AGBL4: variants seen among roughly 807,000 people sequenced by gnomAD.
AGBL4 encodes cytosolic carboxypeptidase 6.
AGBL4 carries 58 observed loss-of-function variants against 66.4 expected under a neutral mutation model. The observed-to-expected ratio is 0.87, with a 90% CI of 0.71 to 1.09. The LOEUF is 1.09. AGBL4 is among the 50% of genes least tolerant of loss of function. The probability of loss-of-function intolerance (pLI) is 0.00; values close to 1 mark genes in which losing one functional copy is unlikely to be tolerated. For missense variants in AGBL4, 579 were observed against 631.0 expected (o/e 0.92, Z 0.88); for synonymous variants, 234 against 222.9 (o/e 1.05, Z -0.44).
At chr1:49,403,378 T>A (rs772779808) in intron 3 of AGBL4, among the ~76,000 whole-genome samples, 3 of 152,194 alleles carry the variant, frequency 2.0e-5, no homozygotes, top group Admixed American at 6.5e-5. Flanking sequence ...GCAAAATGTG[T>A]TTCTTGTAGG....
At chr1:49,480,037 G>T (rs1331852030) in intron 3 of AGBL4, among the ~76,000 whole-genome samples, 3 of 152,000 alleles carry the variant, frequency 2.0e-5, no homozygotes, top group African/African-American at 7.2e-5. Context: ...TATCACTGAT[G>T]GGCATTTGGG....
At chr1:49,401,610 T>C (rs1645087631) in intron 3 of AGBL4, among the ~76,000 whole-genome samples, 1 of 152,224 alleles carries the variant, frequency 6.6e-6, no homozygotes, top group South Asian at 2.1e-4. Flanking sequence ...AATTTTTGCA[T>C]CAATCTTCAT....
At chr1:48,545,886 T>C (rs540765628) in intron 11 of AGBL4, among the ~76,000 whole-genome samples, 1 of 152,340 alleles carries the variant, frequency 6.6e-6, no homozygotes, top group South Asian at 2.1e-4. Context: ...TTACTGTTCA[T>C]TCTCATTCAT....
At chr1:48,543,786 C>T (rs1042907582) in intron 11 of AGBL4, among the ~76,000 whole-genome samples, 1 of 152,182 alleles carries the variant, frequency 6.6e-6, no homozygotes, top group Admixed American at 6.5e-5. Flanking sequence ...TACGGAGCAC[C>T]TACTATGTGC....
chr1:48,547,066 G>A (rs995447578), intron 11 of AGBL4, among the ~76,000 whole-genome samples: 1 of 152,096 alleles, frequency 6.6e-6, no homozygotes, highest in Non-Finnish European at 1.5e-5. Context: ...GGGTCCTCGG[G>A]TGAGAGACGG....
chr1:49,830,102 A>C (rs1358436184), intron 2 of AGBL4, among the ~76,000 whole-genome samples: 2 of 152,290 alleles, frequency 1.3e-5, no homozygotes, highest in Admixed American at 6.5e-5. Flanking sequence ...TTTACAGCAG[A>C]ATGATTTATA....
At chr1:48,725,273 G>C (rs911997805) in intron 6 of AGBL4, among the ~76,000 whole-genome samples, 1 of 152,120 alleles carries the variant, frequency 6.6e-6, no homozygotes, top group East Asian at 1.9e-4. Context: ...TGACATCTGT[G>C]TTAAAATACA....
intron 4 of AGBL4, among the ~76,000 whole-genome samples, chr1:49,049,823 C>T (rs986092263): frequency 6.6e-6 from 1 of 151,826 alleles, no homozygotes; most frequent in African/African-American, 2.4e-5. Flanking sequence ...CTATGATATC[C>T]ATGGAAAAAT....
intron 3 of AGBL4, among the ~76,000 whole-genome samples, chr1:49,384,816 C>A (rs994973347): frequency 6.6e-6 from 1 of 152,090 alleles, no homozygotes; most frequent in East Asian, 1.9e-4. Flanking sequence ...TAAAATGATA[C>A]AGCCTCTCTA....
intron 1 of AGBL4, among the ~76,000 whole-genome samples, chr1:49,984,612 C>T (rs1475237383): frequency 6.6e-6 from 1 of 152,162 alleles, no homozygotes; most frequent in African/African-American, 2.4e-5. Context: ...TGGTCTTTGC[C>T]AGAGGCACAC....
At chr1:48,693,945 T>A (rs1570273178) in intron 6 of AGBL4, among the ~76,000 whole-genome samples, 1 of 151,052 alleles carries the variant, frequency 6.6e-6, no homozygotes, top group African/African-American at 2.4e-5. Flanking sequence ...TACCCTGACC[T>A]GCATGGGCTA....
chr1:48,589,895 G>T (rs1201675534), intron 10 of AGBL4, among the ~76,000 whole-genome samples: 1 of 152,152 alleles, frequency 6.6e-6, no homozygotes, highest in African/African-American at 2.4e-5. Context: ...CCTGGGGAAA[G>T]GTCTGACATG....
At chr1:49,590,632 T>A (rs1161438662) in intron 3 of AGBL4, among the ~76,000 whole-genome samples, 3 of 151,932 alleles carry the variant, frequency 2.0e-5, no homozygotes, top group African/African-American at 7.2e-5. Flanking sequence ...CATAGAAAAA[T>A]TAATATAGAA....
chr1:48,604,750 C>T (rs1645131215), intron 9 of AGBL4, among the ~76,000 whole-genome samples: 1 of 152,072 alleles, frequency 6.6e-6, no homozygotes. Context: ...AAAGAGAGGA[C>T]TTTTGATTTT....
At chr1:49,205,000 T>C (rs1319352979) in intron 4 of AGBL4, among the ~76,000 whole-genome samples, 1 of 152,132 alleles carries the variant, frequency 6.6e-6, no homozygotes, top group East Asian at 1.9e-4. Flanking sequence ...TGTTTCCTTC[T>C]TCCTGGGTAC....
At chr1:49,480,277 C>T (rs184385481) in intron 3 of AGBL4, among the ~76,000 whole-genome samples, 2 of 151,920 alleles carry the variant, frequency 1.3e-5, no homozygotes, top group Admixed American at 1.3e-4. Flanking sequence ...TTCTTTTTTC[C>T]CCATGACTTG....
intron 5 of AGBL4, among the ~76,000 whole-genome samples, chr1:48,946,502 A>G (rs1656524094): frequency 6.6e-6 from 1 of 152,144 alleles, no homozygotes; most frequent in Admixed American, 6.5e-5. Context: ...TCCTTAAGCA[A>G]TTTGTTTTAG....
intron 4 of AGBL4, among the ~76,000 whole-genome samples, chr1:49,151,125 C>T (rs886807293): frequency 2.0e-5 from 3 of 151,514 alleles, no homozygotes; most frequent in African/African-American, 4.9e-5. Flanking sequence ...AAATATTAGC[C>T]GGGCGTGGCA....
chr1:49,940,857 T>TA (rs531230904), intron 1 of AGBL4, among the ~76,000 whole-genome samples: 59 of 151,286 alleles, frequency 3.9e-4, no homozygotes, highest in East Asian at 3.5e-3. Context: ...ATAATAATAA[T>TA]AAAAAAAATA....
Sources: allele counts gnomAD v4.1 joint callset (sites outside exome capture counted in the v4.1 genomes callset), GRCh38; gene constraint gnomAD v4.1.1; transcripts MANE v1.5; gene names NCBI Gene and HGNC (gene_info 2026-07-23, HGNC 2026-07-21).